The following FYCO1 variants were observed in gnomAD, a reference collection of about 807,000 sequenced individuals.
FYCO1 encodes FYVE and coiled-coil domain-containing protein 1.
FYCO1 carries 122 observed loss-of-function variants against 165.1 expected under a neutral mutation model. The observed-to-expected ratio is 0.74, with a 90% confidence interval of 0.64 to 0.86. The LOEUF (loss-of-function observed/expected upper bound fraction) is 0.86. Among genes scored for constraint, FYCO1 ranks in the 40% least tolerant of loss-of-function variants. The pLI, the probability that FYCO1 is intolerant of heterozygous loss-of-function variation, is 0.00. For synonymous variants in FYCO1, 648 were observed against 742.5 expected (o/e 0.87, Z 2.07); for missense variants, 1,702 against 1,810.3 (o/e 0.94, Z 1.09).
Position 45,931,278 on chromosome 3 carries a change from G to T in FYCO1, c.4044C>A (p.Ile1348=). 1 of 1,613,530 alleles carries T rather than the reference G, an allele frequency of 6.2e-7. No individual in the cohort carries two copies. Among genetic ancestry groups the T allele is most frequent in the Middle Eastern group, 1.7e-4 (1 of 6,056 alleles). ...ICLLKSGELM[I]KVPLTVDEIA... ...TCTCATCCACTGTGAGGGGTACTTTGATCCTAAAATAAAAATACAGAGAGG... is the reference window on the plus strand; with the variant it reads ...TCTCATCCACTGTGAGGGGTACTTTTATCCTAAAATAAAAATACAGAGAGG... The change falls in exon 16 of 18, where the codon ATC becomes ATA. Residue 1348 remains isoleucine, a synonymous_variant. Transcript: ENST00000296137.
chr3:45,982,554 C>A (rs1285937554), intron 2 of FYCO1, among the ~76,000 whole-genome samples: 1 of 152,216 alleles, frequency 6.6e-6, no homozygotes, highest in Non-Finnish European at 1.5e-5. Context: ...CTCTCACTCA[C>A]TGCCTCTGCT....
intron 1 of FYCO1, among the ~76,000 whole-genome samples, chr3:45,991,473 C>T (rs1707558861): frequency 6.6e-6 from 1 of 152,202 alleles, no homozygotes; most frequent in Non-Finnish European, 1.5e-5. Context: ...CCCTTCTTCC[C>T]CTCTGCCTAT....
At chr3:45,960,319 C>T (rs1705620293) in intron 11 of FYCO1, among the ~76,000 whole-genome samples, 1 of 152,198 alleles carries the variant, frequency 6.6e-6, no homozygotes, top group African/African-American at 2.4e-5. Flanking sequence ...TAATGTGACA[C>T]CCGAGCCACT....
chr3:45,931,194 C>G lies in FYCO1; in HGVS notation c.4128G>C (p.Leu1376=). The change falls in exon 16 of 18, where the codon CTG becomes CTC. Residue 1376 remains leucine (L), a synonymous_variant. Coordinates refer to ENST00000296137, the MANE Select transcript of FYCO1 (RefSeq NM_024513.4). ...CTGCCTCGGCCACAGTGATGGGGATCAGGCTGTAGGTGCTGGACCTCACAA... is the reference window on the plus strand; with the variant it reads ...CTGCCTCGGCCACAGTGATGGGGATGAGGCTGTAGGTGCTGGACCTCACAA... The part of the protein sequence containing the change: ...ELFVRSSTYS[L]IPITVAEAGL... 1 of 1,614,106 alleles carries G rather than the reference C, an allele frequency of 6.2e-7. No homozygotes were observed. Among genetic ancestry groups the G allele is most frequent in the African/African-American group, 1.3e-5 (1 of 75,042 alleles).
rs375376263 is a variant in FYCO1, at chr3:45,958,545, C to T, written c.3662G>A (p.Arg1221His). Residue 1221 changes from arginine to histidine, a missense_variant, in exon 13 of 18, where the codon CGC becomes CAC. Coordinates refer to ENST00000296137, the MANE Select transcript of FYCO1 (RefSeq NM_024513.4). ...CTTCTGGAAACAGGCTCGGCAGCAG[C>T]GCTCCTTTTTGCCACCGTGCTTGCT... ...VLSKHGGKKERCCRACFQKLS... is the reference protein window; with the variant it reads ...VLSKHGGKKEHCCRACFQKLS... 32 of 1,614,164 alleles carry T rather than the reference C, an allele frequency of 2.0e-5. No homozygotes were observed. The highest frequency in any genetic ancestry group is 1.2e-4 in the African/African-American group (9 of 75,032).
intron 14 of FYCO1, chr3:45,945,556 GT>G (rs1229609847): frequency 6.6e-6 from 1 of 152,178 alleles, no homozygotes; most frequent in Admixed American, 6.6e-5. Flanking sequence ...TTTCAATTGG[GT>G]TTTCTGCTTG....
At chr3:45,932,811 A>C (rs1268224074) in intron 15 of FYCO1, among the ~76,000 whole-genome samples, 1 of 152,220 alleles carries the variant, frequency 6.6e-6, no homozygotes. Context: ...TTTTATTTCT[A>C]ATTAAGAACC....
At chr3:45,981,428 G>A in intron 3 of FYCO1, 142 bp downstream of exon 3, 1 of 693,420 alleles carries the variant, frequency 1.4e-6, no homozygotes. Flanking sequence ...TGGCACTGGG[G>A]ACTGCTCTGA....
chr3:45,986,974 T>C (rs2125877019), intron 1 of FYCO1, among the ~76,000 whole-genome samples: 1 of 152,110 alleles, frequency 6.6e-6, no homozygotes, highest in Admixed American at 6.5e-5. Flanking sequence ...AGGAGACAGA[T>C]GGAAAAATAT....
intron 16 of FYCO1, among the ~76,000 whole-genome samples, chr3:45,929,138 C>A (rs1046027292): frequency 4.6e-5 from 7 of 152,254 alleles, no homozygotes; most frequent in Admixed American, 2.6e-4. Flanking sequence ...TTTGGGGGAC[C>A]TCAGGCAGAG....
intron 16 of FYCO1, among the ~76,000 whole-genome samples, chr3:45,925,081 C>G (rs1180119126): frequency 2.6e-5 from 4 of 151,982 alleles, no homozygotes; most frequent in Non-Finnish European, 5.9e-5. Flanking sequence ...AGGTGTACAC[C>G]AACACACCCA....
intron 16 of FYCO1, among the ~76,000 whole-genome samples, chr3:45,928,859 A>G (rs903961778): frequency 6.6e-6 from 1 of 152,210 alleles, no homozygotes; most frequent in African/African-American, 2.4e-5. Flanking sequence ...GAGCTCCTCA[A>G]CGGGAGATCC....
At chr3:45,938,060 G>A (rs1227417529) in intron 14 of FYCO1, 11 of 419,212 alleles carry the variant, frequency 2.6e-5, no homozygotes, top group Non-Finnish European at 4.6e-5. Flanking sequence ...CACAGAATGA[G>A]AGAGACACTG....
Position 45,967,347 on chromosome 3 carries a change from G to C in FYCO1, c.1987C>G (p.Leu663Val). 6.2e-7 allele frequency: 1 copy of C among 1,609,132 alleles called. No homozygotes were observed. The highest frequency in any genetic ancestry group is 8.5e-7 in the Non-Finnish European group (1 of 1,176,604). Residue 663 changes from leucine (L) to valine (V), a missense_variant, in exon 8 of 18, where the codon CTG becomes GTG. Leu to Val is a conservative substitution (Grantham distance 32). Coordinates refer to ENST00000296137, the MANE Select transcript of FYCO1 (RefSeq NM_024513.4). ...CGGATGCTGGCCTGCTCGGCCTCCA[G>C]GGAGGCCAAGGAGCCCTGGATGGCT... is the stretch of plus-strand genomic sequence containing the variant. ...ESAIQGSLAS[L>V]EAEQASIRHL...
chr3:45,934,566 A>G (rs1241924073), intron 15 of FYCO1, among the ~76,000 whole-genome samples: 1 of 152,274 alleles, frequency 6.6e-6, no homozygotes, highest in African/African-American at 2.4e-5. Context: ...TGTCAAATCC[A>G]GCAGTGTGTG....
In FYCO1 at chr3:45,967,324, G is replaced by A. The variant is rs966954790; in HGVS notation, c.2010C>T (p.Ile670=). The change falls in exon 8 of 18, where the codon ATC becomes ATT. Residue 670 remains isoleucine, a synonymous_variant. Transcript: ENST00000296137. ...LASLEAEQAS[I]RHLGDQMEAS... is the part of the protein sequence containing the mutation. ...CCTCCATCTGGTCACCCAAGTGCCGGATGCTGGCCTGCTCGGCCTCCAGGG... is the reference window on the plus strand; with the variant it reads ...CCTCCATCTGGTCACCCAAGTGCCGAATGCTGGCCTGCTCGGCCTCCAGGG... 1.9e-5 allele frequency: 30 copies of A among 1,611,858 alleles called. No homozygotes were observed. The highest frequency in any genetic ancestry group is 2.5e-5 in the Non-Finnish European group (29 of 1,178,528).
chr3:45,948,909 G>C (rs1353466854), intron 14 of FYCO1, among the ~76,000 whole-genome samples: 1 of 152,164 alleles, frequency 6.6e-6, no homozygotes, highest in African/African-American at 2.4e-5. Flanking sequence ...CTATGGGTTG[G>C]TGTGAATACC....
Position 45,958,696 on chromosome 3 carries a change from C to T in FYCO1, c.3588-77G>A. ...TGATCTGCTCAGCACCCAAACTGGGCTCTGGATGCCATGTGACTCTCATCA... is the reference window on the plus strand; with the variant it reads ...TGATCTGCTCAGCACCCAAACTGGGTTCTGGATGCCATGTGACTCTCATCA... On this transcript the variant is annotated intron_variant, in intron 12 of 17. Coordinates refer to ENST00000296137, the MANE Select transcript of FYCO1 (RefSeq NM_024513.4). 2.1e-6 allele frequency: 3 copies of T among 1,403,466 alleles called. No individual in the cohort carries two copies. The East Asian group carries it at 6.9e-5, about 32-fold the overall frequency. 86.9% of individuals were successfully genotyped at this position (1,403,466 alleles called of 1,614,324 possible).
At chr3:45,965,211 C>A (rs1705938272) in intron 8 of FYCO1, 86 bp from the exon 9 acceptor site, 1 of 1,026,778 alleles carries the variant, frequency 9.7e-7, no homozygotes, top group Non-Finnish European at 1.5e-6. Context: ...ACAGATAAAA[C>A]CAAGCTAACT....
Sources: allele counts gnomAD v4.1 joint callset (sites outside exome capture counted in the v4.1 genomes callset), GRCh38; gene constraint gnomAD v4.1.1; transcripts MANE v1.5; gene names NCBI Gene and HGNC (gene_info 2026-07-23, HGNC 2026-07-21).